TNIP3: variants seen among roughly 807,000 people sequenced by gnomAD.
TNIP3 encodes TNFAIP3-interacting protein 3.
In TNIP3, 34 loss-of-function variants were observed where a neutral mutation model predicts 54.1. That is an observed-to-expected ratio of 0.63 (90% CI 0.48 to 0.84). TNIP3 has a LOEUF of 0.84. Among genes scored for constraint, TNIP3 ranks in the 40% least tolerant of loss-of-function variants. The pLI is 0.00. For synonymous variants in TNIP3, 134 were observed against 136.8 expected, an observed-to-expected ratio of 0.98 and a Z score of 0.14; for missense variants, 366 against 387.6, an observed-to-expected ratio of 0.94 and a Z score of 0.47.
intron 5 of TNIP3, among the ~76,000 whole-genome samples, chr4:121,154,070 G>A (rs1430443323): frequency 1.3e-5 from 2 of 152,062 alleles, no homozygotes; most frequent in Admixed American, 1.3e-4. Context: ...CTTTAAAGTA[G>A]GTTTAAAGTA....
chr4:121,201,170 G>T (rs1401165199), intron 2 of TNIP3, among the ~76,000 whole-genome samples: 1 of 152,096 alleles, frequency 6.6e-6, no homozygotes, highest in Non-Finnish European at 1.5e-5. Flanking sequence ...GAGGTATGAG[G>T]AAAGTCCAGA....
At chr4:121,139,095 T>A (rs140324439) in intron 9 of TNIP3, among the ~76,000 whole-genome samples, 1 of 152,300 alleles carries the variant, frequency 6.6e-6, no homozygotes, top group African/African-American at 2.4e-5. Context: ...AAAAGTTTAA[T>A]ACAAGTTTTC....
chr4:121,207,167 T>C (rs1726237016), intron 2 of TNIP3, among the ~76,000 whole-genome samples: 1 of 152,096 alleles, frequency 6.6e-6, no homozygotes. Flanking sequence ...TGTTAATGAC[T>C]GGAAATTGAA....
chr4:121,213,726 C>CAAAA (rs34477589), intron 2 of TNIP3, among the ~76,000 whole-genome samples: 23 of 91,512 alleles, frequency 2.5e-4, no homozygotes, highest in African/African-American at 9.0e-4. Context: ...GACTCCGTCT[C>CAAAA]AAAAAAAAAA....
chr4:121,191,530 A>T (rs1322932856), intron 2 of TNIP3, among the ~76,000 whole-genome samples: 1 of 152,228 alleles, frequency 6.6e-6, no homozygotes, highest in African/African-American at 2.4e-5. Context: ...TATATAAGTT[A>T]TGTCTGATAC....
intron 1 of TNIP3, among the ~76,000 whole-genome samples, chr4:121,222,813 T>TTG (rs1727087782): frequency 6.9e-6 from 1 of 144,700 alleles, no homozygotes; most frequent in South Asian, 2.3e-4. Flanking sequence ...CGTTTTTTTT[T>TTG]TTTTTTTTTT....
intron 2 of TNIP3, among the ~76,000 whole-genome samples, chr4:121,193,364 C>T (rs1025128322): frequency 1.3e-5 from 2 of 152,112 alleles, no homozygotes; most frequent in Non-Finnish European, 2.9e-5. Flanking sequence ...ATATGGCATA[C>T]TTTCAATATC....
At chr4:121,202,601 G>C (rs1201769189) in intron 2 of TNIP3, among the ~76,000 whole-genome samples, 7 of 152,136 alleles carry the variant, frequency 4.6e-5, no homozygotes, top group Admixed American at 4.6e-4. Context: ...AAACTAAAAA[G>C]CTTCTGCACA....
At chr4:121,137,878 A>G (rs1325055544) in intron 10 of TNIP3, 1 of 452,026 alleles carries the variant, frequency 2.2e-6, no homozygotes, top group Non-Finnish European at 4.4e-6. Context: ...TTAAACATGT[A>G]GCAGACATTT....
intron 2 of TNIP3, among the ~76,000 whole-genome samples, chr4:121,209,447 A>T (rs1726360620): frequency 6.6e-6 from 1 of 152,140 alleles, no homozygotes; most frequent in Middle Eastern, 3.2e-3. Context: ...CACCAAATTG[A>T]ATTATTGGAC....
chr4:121,182,761 T>C, exon 3 of TNIP3: 1 of 1,534,206 alleles, frequency 6.5e-7, no homozygotes, highest in Non-Finnish European at 8.7e-7. Context: ...CTCAATCAGA[T>C]CCTGGATTTT....
intron 2 of TNIP3, among the ~76,000 whole-genome samples, chr4:121,204,962 A>T (rs541121408): frequency 6.6e-6 from 1 of 152,134 alleles, no homozygotes; most frequent in South Asian, 2.1e-4. Context: ...CAGTATGTTC[A>T]TTATTCATTT....
intron 4 of TNIP3, 139 bp downstream of exon 4, chr4:121,156,955 A>G: frequency 9.5e-7 from 1 of 1,057,338 alleles, no homozygotes; most frequent in Non-Finnish European, 1.4e-6. Context: ...GGACTTGCGT[A>G]ACCCATGCAC....
chr4:121,135,786 A>T (rs1159428023), intron 10 of TNIP3, among the ~76,000 whole-genome samples: 1 of 152,218 alleles, frequency 6.6e-6, no homozygotes, highest in Non-Finnish European at 1.5e-5. Context: ...GATTAAAAGG[A>T]CCGTTTTAAT....
At chr4:121,191,058 G>A (rs1725283338) in intron 2 of TNIP3, among the ~76,000 whole-genome samples, 1 of 152,200 alleles carries the variant, frequency 6.6e-6, no homozygotes, top group Non-Finnish European at 1.5e-5. Context: ...GGTCAACAGA[G>A]GGGAGCTTCC....
At chr4:121,159,464 A>C (rs559016005) in intron 2 of TNIP3, among the ~76,000 whole-genome samples, 2 of 152,210 alleles carry the variant, frequency 1.3e-5, no homozygotes, top group African/African-American at 4.8e-5. Context: ...CTTTTCCCAA[A>C]CTTTTTCGTA....
At chr4:121,175,643 T>G (rs1239827564) in intron 3 of TNIP3, among the ~76,000 whole-genome samples, 1 of 152,246 alleles carries the variant, frequency 6.6e-6, no homozygotes, top group African/African-American at 2.4e-5. Context: ...ATTCTCCCAG[T>G]GATAGAACAG....
intron 1 of TNIP3, among the ~76,000 whole-genome samples, chr4:121,222,810 T>TTTTTTTTG (rs1727086528): frequency 7.0e-6 from 1 of 141,950 alleles, no homozygotes; most frequent in African/African-American, 2.7e-5. Flanking sequence ...GTGCGTTTTT[T>TTTTTTTTG]TTTTTTTTTT....
chr4:121,146,708 C>T (rs1295162987), intron 7 of TNIP3, among the ~76,000 whole-genome samples: 1 of 151,906 alleles, frequency 6.6e-6, no homozygotes, highest in African/African-American at 2.4e-5. Flanking sequence ...AAGAAAATGA[C>T]AAGAATTTTA....
Sources: gnomAD v4.1 joint callset for allele counts (sites outside exome capture counted in the v4.1 genomes callset) on GRCh38, gnomAD v4.1.1 for gene constraint, MANE v1.5 for transcripts, NCBI Gene and HGNC (gene_info 2026-07-23, HGNC 2026-07-21) for gene names.